The following RGS5 variants were observed in gnomAD, a reference collection of about 807,000 sequenced individuals.
RGS5 encodes regulator of G-protein signalling 5.
A neutral mutation model predicts 18.9 loss-of-function variants in RGS5; 20 were observed. The ratio of observed to expected loss-of-function variants is 1.06; its 90% confidence interval spans 0.74 to 1.54. The LOEUF is 1.54. RGS5 is among the 40% of genes most tolerant of loss of function. The pLI is 0.00. For missense variants in RGS5, 201 were observed against 211.8 expected (o/e 0.95, Z 0.32); for synonymous variants, 57 against 76.2 (o/e 0.75, Z 1.31).
chr1:163,304,160 T>C (rs536195996), intron 2 of RGS5: 1 of 152,220 alleles, frequency 6.6e-6, no homozygotes, highest in Non-Finnish European at 1.5e-5. Context: ...AATGTGATTA[T>C]AAAAGGACCC....
chr1:163,149,711 T>G (rs1405155544), intron 4 of RGS5, among the ~76,000 whole-genome samples: 5 of 152,212 alleles, frequency 3.3e-5, no homozygotes, highest in Non-Finnish European at 7.3e-5. Context: ...TACCATTGTA[T>G]CTCTCAGTCA....
At chr1:163,284,020 T>C (rs1408549671) in intron 2 of RGS5, among the ~76,000 whole-genome samples, 1 of 152,222 alleles carries the variant, frequency 6.6e-6, no homozygotes, top group Non-Finnish European at 1.5e-5. Flanking sequence ...AACGTGTTAT[T>C]TAAGTTGCTG....
rs1657019615 is a variant in RGS5 at position 163,143,886 on chromosome 1, T to A, written c.*3456A>T. 1 of 152,192 alleles carries A rather than the reference T, an allele frequency of 6.6e-6. No homozygotes were observed. Among genetic ancestry groups the A allele is most frequent in the African/African-American group, 2.4e-5 (1 of 41,454 alleles). The allele number at this position is 152,192 out of a possible 1,614,324, so 9.4% of individuals were successfully genotyped here. A position where few individuals can be genotyped will look rare whatever the true frequency, so the allele number is the denominator to read the frequency against. Reference sequence around the variant, plus strand: ...AATGGCCCAGTTTTTATTGAAACTTTTGCATGTCTATTACTCTTTGGAAAA... The same window carrying A: ...AATGGCCCAGTTTTTATTGAAACTTATGCATGTCTATTACTCTTTGGAAAA... On this transcript the variant is annotated 3_prime_UTR_variant, in exon 5 of 5. Coordinates refer to ENST00000313961, the MANE Select transcript of RGS5 (RefSeq NM_003617.4).
At chr1:163,267,803 G>C (rs186480336) in intron 2 of RGS5, among the ~76,000 whole-genome samples, 109 of 152,146 alleles carry the variant, frequency 7.2e-4, no homozygotes, top group African/African-American at 2.5e-3. Flanking sequence ...CTGTGTTGTG[G>C]ATGGTAGTCT....
chr1:163,288,612 T>C (rs1268549659), intron 2 of RGS5, among the ~76,000 whole-genome samples: 3 of 152,208 alleles, frequency 2.0e-5, no homozygotes, highest in Non-Finnish European at 4.4e-5. Context: ...TGTTTGTGTA[T>C]GTTTTACAGG....
chr1:163,250,328 A>G (rs1648072101), intron 2 of RGS5, among the ~76,000 whole-genome samples: 1 of 152,228 alleles, frequency 6.6e-6, no homozygotes, highest in African/African-American at 2.4e-5. Context: ...TATGTAAAGA[A>G]CATCTGTATT....
At chr1:163,250,417 A>G (rs572910968) in intron 2 of RGS5, among the ~76,000 whole-genome samples, 1 of 152,334 alleles carries the variant, frequency 6.6e-6, no homozygotes, top group East Asian at 1.9e-4. Context: ...CAGCAAAATT[A>G]TGAGACGTGA....
At chr1:163,314,057 AACT>A (rs2101651967) in intron 1 of RGS5, among the ~76,000 whole-genome samples, 1 of 151,858 alleles carries the variant, frequency 6.6e-6, no homozygotes, top group East Asian at 1.9e-4. Context: ...TAGGAAGAGA[AACT>A]ACTTCATGCA....
In RGS5 at chr1:163,172,058, C is replaced by T. The variant is rs138389775; in HGVS notation, c.45-3690G>A. ...AGCGTTCCAGAGGGAAGGGTGGGTG[C>T]GTGTTATTTTAAGGGATGTAAAAGT... is the stretch of plus-strand genomic sequence containing the variant. On this transcript the variant is annotated intron_variant, in intron 1 of 4. Transcript: ENST00000313961. 2.3e-3 allele frequency among the ~76,000 whole-genome samples: 352 copies of T among 152,110 alleles called. 1 individual carries two copies. The highest frequency in any genetic ancestry group is 7.7e-3 in the African/African-American group (319 of 41,486).
intron 4 of RGS5, among the ~76,000 whole-genome samples, chr1:163,150,250 A>G (rs1657321448): frequency 2.6e-5 from 4 of 152,216 alleles, no homozygotes. Context: ...ATTTGTCCCT[A>G]TAACTCAGCT....
chr1:163,218,303 A>G (rs1660262245), upstream of RGS5, among the ~76,000 whole-genome samples: 1 of 152,212 alleles, frequency 6.6e-6, no homozygotes, highest in South Asian at 2.1e-4. Flanking sequence ...ATATAGAACC[A>G]ACAAACCCAC....
chr1:163,159,152 C>T (rs1010691269), intron 3 of RGS5, among the ~76,000 whole-genome samples: 3 of 152,260 alleles, frequency 2.0e-5, no homozygotes, highest in South Asian at 2.1e-4. Context: ...TCAAGGTACC[C>T]AGATTTCATA....
intron 1 of RGS5, among the ~76,000 whole-genome samples, chr1:163,188,982 A>T (rs1026570684): frequency 2.0e-5 from 3 of 149,916 alleles, no homozygotes; most frequent in African/African-American, 4.9e-5. Flanking sequence ...AAGCTACTGT[A>T]AGGTTGTAAG....
chr1:163,215,800 C>T (rs992838901), intron 1 of RGS5, among the ~76,000 whole-genome samples: 2 of 152,170 alleles, frequency 1.3e-5, no homozygotes, highest in Admixed American at 6.5e-5. Flanking sequence ...CACAGTGGCT[C>T]ACACCTGTAA....
chr1:163,292,898 T>A (rs149345179), intron 2 of RGS5, among the ~76,000 whole-genome samples: 4 of 152,330 alleles, frequency 2.6e-5, no homozygotes, highest in Admixed American at 6.5e-5. Context: ...TTTAAGTTCC[T>A]TATGGATGCT....
At chr1:163,218,467 A>T (rs931656276), upstream of RGS5, among the ~76,000 whole-genome samples, 4 of 152,110 alleles carry the variant, frequency 2.6e-5, no homozygotes, top group Non-Finnish European at 5.9e-5. Flanking sequence ...GTATATCTTA[A>T]ATATTAATTT....
At chr1:163,169,312 A>G (rs527731758) in intron 1 of RGS5, among the ~76,000 whole-genome samples, 297 of 152,178 alleles carry the variant, frequency 2.0e-3, no homozygotes, top group African/African-American at 5.9e-3. Flanking sequence ...GAATAGTGCC[A>G]CAATAAACAT....
rs539247448 is a variant in RGS5, at chr1:163,195,984, G to A, written c.44+6808C>T. The stretch of plus-strand genomic sequence containing the variant: ...TTATGAGCACTGTTCTTTCTACCCC[G>A]CCACACTGCAATTCAAGCGCTGGTC... On this transcript the variant is annotated intron_variant, in intron 1 of 4. Coordinates refer to ENST00000313961, the MANE Select transcript of RGS5 (RefSeq NM_003617.4). Among the ~76,000 whole-genome samples, 4 of 152,174 alleles carry A rather than the reference G, an allele frequency of 2.6e-5. No homozygotes were observed. In the East Asian group the frequency reaches 7.7e-4, roughly 29 times the overall value.
chr1:163,316,531 C>A (rs2101653837), intron 1 of RGS5, among the ~76,000 whole-genome samples: 1 of 151,744 alleles, frequency 6.6e-6, no homozygotes, highest in African/African-American at 2.4e-5. Flanking sequence ...GAGTTTGAGG[C>A]TGCAGTAAGC....
Sources: allele counts gnomAD v4.1 joint callset (sites outside exome capture counted in the v4.1 genomes callset), GRCh38; gene constraint gnomAD v4.1.1; transcripts MANE v1.5; gene names NCBI Gene and HGNC (gene_info 2026-07-23, HGNC 2026-07-21).